Variants in GRB14 observed in about 807,000 individuals in gnomAD.
GRB14 encodes growth factor receptor-bound protein 14.
In GRB14, 38 loss-of-function variants were observed where a neutral mutation model predicts 69.1. The observed-to-expected ratio is 0.55, with a 90% CI of 0.42 to 0.72. The LOEUF is 0.72. Among genes scored for constraint, GRB14 ranks in the 30% least tolerant of loss-of-function variants. The pLI, the probability that GRB14 is intolerant of heterozygous loss-of-function variation, is 0.00. For missense variants in GRB14, 666 were observed against 666.1 expected (o/e 1.00, Z 0.00); for synonymous variants, 247 against 241.3 (o/e 1.02, Z -0.22).
chr2:164,518,686 A>C (rs1355488188), intron 6 of GRB14, among the ~76,000 whole-genome samples: 2 of 152,126 alleles, frequency 1.3e-5, no homozygotes, highest in Non-Finnish European at 2.9e-5. Context: ...GAAACAGGAG[A>C]TATTACAACC....
chr2:164,539,063 T>C (rs1403114710), intron 3 of GRB14, among the ~76,000 whole-genome samples: 1 of 152,182 alleles, frequency 6.6e-6, no homozygotes, highest in African/African-American at 2.4e-5. Flanking sequence ...CAGTGGAAAA[T>C]GCAGATTACA....
Position 164,512,070 on chromosome 2 carries a change from T to C in GRB14, c.817-3218A>G, listed in dbSNP as rs56798450. 3.9e-3 allele frequency among the ~76,000 whole-genome samples: 594 copies of C among 151,788 alleles called. 37 individuals are homozygous for C. The East Asian group carries it at 0.11, about 27-fold the overall frequency. ...TGCCAGTGAAAAGTGGGGGGAAGAG[T>C]GGGAAGGCCTGCGTCTCATGGTTTG... is the stretch of plus-strand genomic sequence containing the variant. On this transcript the variant is annotated intron_variant, in intron 6 of 13. Coordinates refer to ENST00000263915, the MANE Select transcript of GRB14 (RefSeq NM_004490.3).
In GRB14 at chr2:164,494,528, A is replaced by AAGAG. The variant is rs766294313; in HGVS notation, c.1383-8_1383-5dup. ...ACTATCCCGTACCAAGAAAACTCTA[A>AAGAG]AGAGAGAGAAGGAATTTCAATGTTT... On this transcript the variant is annotated splice_region_variant and splice_polypyrimidine_tract_variant and intron_variant, in intron 12 of 13. Coordinates refer to ENST00000263915, the MANE Select transcript of GRB14 (RefSeq NM_004490.3). 4.4e-6 allele frequency: 6 copies of AAGAG among 1,379,308 alleles called. No homozygotes were observed. The highest frequency in any genetic ancestry group is 6.2e-6 in the Non-Finnish European group (6 of 966,400). 85.4% of individuals were successfully genotyped at this position (1,379,308 alleles called of 1,614,324 possible).
At chr2:164,613,703 A>G (rs78885970) in intron 2 of GRB14, among the ~76,000 whole-genome samples, 3,318 of 152,314 alleles carry the variant, frequency 0.022, 56 homozygotes, top group Non-Finnish European at 0.034. Flanking sequence ...CTTGCTCCCA[A>G]TTTCAGCCTC....
At chr2:164,539,475 G>GA (rs5835987) in intron 3 of GRB14, among the ~76,000 whole-genome samples, 116,387 of 149,358 alleles carry the variant, frequency 0.78, 45,716 homozygotes, top group African/African-American at 0.83. Context: ...CTCCATCTCG[G>GA]AAAAAAAAAA....
At chr2:164,589,181 A>G (rs1689602802) in intron 2 of GRB14, among the ~76,000 whole-genome samples, 1 of 152,162 alleles carries the variant, frequency 6.6e-6, no homozygotes, top group South Asian at 2.1e-4. Flanking sequence ...ACTCTTATGG[A>G]TAAAGGTTTA....
At chr2:164,540,227 C>T (rs1290515144) in intron 3 of GRB14, among the ~76,000 whole-genome samples, 1 of 152,208 alleles carries the variant, frequency 6.6e-6, no homozygotes, top group Non-Finnish European at 1.5e-5. Context: ...GAACAATCTT[C>T]CACTTAATTG....
chr2:164,540,067 C>T (rs557140428), intron 3 of GRB14, among the ~76,000 whole-genome samples: 22 of 152,312 alleles, frequency 1.4e-4, no homozygotes, highest in Admixed American at 1.0e-3. Flanking sequence ...AGACCCTACA[C>T]GATCTGGTCC....
At chr2:164,601,134 G>A (rs993366461) in intron 2 of GRB14, among the ~76,000 whole-genome samples, 1 of 152,104 alleles carries the variant, frequency 6.6e-6, no homozygotes, top group Non-Finnish European at 1.5e-5. Flanking sequence ...ACACCCCAGA[G>A]TACAGCTAAA....
chr2:164,561,096 C>G (rs1293521204), intron 2 of GRB14, among the ~76,000 whole-genome samples: 1 of 152,122 alleles, frequency 6.6e-6, no homozygotes, highest in African/African-American at 2.4e-5. Context: ...ATTAGCCCAG[C>G]TATTTTTAAT....
rs142462660 is a variant in GRB14, at chr2:164,564,165, G to A, written c.325-16349C>T. The stretch of plus-strand genomic sequence containing the variant: ...ATAGACAGCATTTGGGAAAGCAAAT[G>A]AGCCTGGTGTTGTCTATAGGCTGCA... On this transcript the variant is annotated intron_variant, in intron 2 of 13. Transcript: ENST00000263915. Among the ~76,000 whole-genome samples, 49 of 152,312 alleles carry A rather than the reference G, an allele frequency of 3.2e-4. No homozygotes were observed. In the East Asian group the frequency reaches 6.2e-3, roughly 19 times the overall value.
At chr2:164,587,203 C>T (rs1201831165) in intron 2 of GRB14, among the ~76,000 whole-genome samples, 1 of 152,022 alleles carries the variant, frequency 6.6e-6, no homozygotes, top group Non-Finnish European at 1.5e-5. Flanking sequence ...GGCAAAAAAA[C>T]TTTCATTTGC....
At chr2:164,508,129 G>T (rs769585131) in intron 8 of GRB14, among the ~76,000 whole-genome samples, 4 of 152,184 alleles carry the variant, frequency 2.6e-5, no homozygotes, top group Non-Finnish European at 5.9e-5. Context: ...TGTTGGCAAC[G>T]TTTTAAGAGT....
At chr2:164,595,010 A>C (rs2105348334) in intron 2 of GRB14, among the ~76,000 whole-genome samples, 1 of 152,306 alleles carries the variant, frequency 6.6e-6, no homozygotes, top group African/African-American at 2.4e-5. Flanking sequence ...ATCAGACAAT[A>C]TTAGACCCAT....
chr2:164,610,822 T>C (rs538496330), intron 2 of GRB14, among the ~76,000 whole-genome samples: 84 of 143,402 alleles, frequency 5.9e-4, no homozygotes, highest in African/African-American at 2.1e-3. Context: ...ATTCGGATTA[T>C]GGTAAGTGCA....
intron 2 of GRB14, among the ~76,000 whole-genome samples, chr2:164,595,254 T>A (rs1574342379): frequency 1.3e-5 from 2 of 152,266 alleles, no homozygotes; most frequent in Admixed American, 6.5e-5. Flanking sequence ...TTTTTAAAGG[T>A]TTACTGTGCC....
intron 2 of GRB14, among the ~76,000 whole-genome samples, chr2:164,577,620 T>G (rs1689284441): frequency 6.6e-6 from 1 of 152,192 alleles, no homozygotes. Context: ...CCTCTTTTCT[T>G]TATAAATTAC....
intron 3 of GRB14, among the ~76,000 whole-genome samples, chr2:164,529,831 C>T (rs1574276149): frequency 2.0e-5 from 3 of 152,330 alleles, no homozygotes; most frequent in African/African-American, 7.2e-5. Flanking sequence ...AGCTTGTCTG[C>T]TTCTGCCTGT....
intron 3 of GRB14, among the ~76,000 whole-genome samples, chr2:164,529,998 T>C (rs4667757): frequency 0.85 from 129,399 of 152,234 alleles, 55,922 homozygotes; most frequent in African/African-American, 0.96. Context: ...ACTGCCCTCA[T>C]GAAGCTTTCA....
Sources: allele counts gnomAD v4.1 joint callset (sites outside exome capture counted in the v4.1 genomes callset), GRCh38; gene constraint gnomAD v4.1.1; transcripts MANE v1.5; gene names NCBI Gene and HGNC (gene_info 2026-07-23, HGNC 2026-07-21).